Variants in KIRREL1 observed in about 807,000 individuals in gnomAD.
The protein encoded by KIRREL1 is kin of IRRE-like protein 1.
KIRREL1 carries 25 observed loss-of-function variants against 83.3 expected under a neutral mutation model. The ratio of observed to expected loss-of-function variants is 0.30; its 90% CI spans 0.22 to 0.42. The LOEUF is 0.42. Among genes scored for constraint, KIRREL1 ranks in the 10% least tolerant of loss-of-function variants. The pLI is 1.00. For synonymous variants in KIRREL1, 388 were observed against 410.4 expected (o/e 0.95, Z 0.66); for missense variants, 812 against 1,032.3 (o/e 0.79, Z 2.92).
At chr1:158,025,847 C>T (rs1451946954) in intron 1 of KIRREL1, among the ~76,000 whole-genome samples, 2 of 151,886 alleles carry the variant, frequency 1.3e-5, no homozygotes, top group South Asian at 2.1e-4. Context: ...GCTAATTATG[C>T]CTTCATCCTC....
chr1:158,086,872 C>A, intron 5 of KIRREL1, 126 bp downstream of exon 5: 2 of 820,616 alleles, frequency 2.4e-6, no homozygotes, highest in Non-Finnish European at 3.8e-6. Flanking sequence ...CAAACGCTTG[C>A]CTTCTTCACA....
At chr1:157,993,851 C>A (rs962321303) in intron 1 of KIRREL1, 123 bp downstream of exon 1, 1 of 539,018 alleles carries the variant, frequency 1.9e-6, no homozygotes. Context: ...CCGGACGCCA[C>A]GAGGCGGGGG....
chr1:158,069,684 C>T (rs1479861167), intron 1 of KIRREL1, among the ~76,000 whole-genome samples: 1 of 152,174 alleles, frequency 6.6e-6, no homozygotes, highest in Non-Finnish European at 1.5e-5. Flanking sequence ...ACAGCAGTGG[C>T]CAGGCTGCTG....
intron 1 of KIRREL1, among the ~76,000 whole-genome samples, chr1:158,009,973 T>G (rs1023007238): frequency 5.9e-5 from 9 of 152,228 alleles, no homozygotes; most frequent in African/African-American, 1.2e-4. Flanking sequence ...GGTCTAGATG[T>G]GGATTTTAGC....
At chr1:158,071,836 G>T (rs1661524239) in intron 1 of KIRREL1, among the ~76,000 whole-genome samples, 1 of 152,132 alleles carries the variant, frequency 6.6e-6, no homozygotes, top group African/African-American at 2.4e-5. Context: ...GCACACAAAT[G>T]TGTGCCTAGG....
chr1:158,028,659 T>C (rs1307796834), intron 1 of KIRREL1, among the ~76,000 whole-genome samples: 1 of 152,208 alleles, frequency 6.6e-6, no homozygotes, highest in East Asian at 1.9e-4. Context: ...TTTCAATTAT[T>C]TTTTCTATTT....
At chr1:158,026,143 C>T (rs1660162839) in intron 1 of KIRREL1, among the ~76,000 whole-genome samples, 1 of 152,170 alleles carries the variant, frequency 6.6e-6, no homozygotes, top group South Asian at 2.1e-4. Flanking sequence ...AGAGAAGGAG[C>T]TGCAGGCTGG....
rs779988044 is a variant in KIRREL1 at position 158,089,609 on chromosome 1, G to A, written c.1152G>A (p.Glu384=). The A allele has an allele frequency of 4.3e-6, 7 of 1,613,428 alleles. No homozygotes were observed. The East Asian group carries it at 1.1e-4, about 26-fold the overall frequency. ...IVPRIGVAER[E]VPLYVNGPPI... is the part of the protein sequence containing the mutation. ...CTCGAATCGGAGTGGCTGAGCGGGA[G>A]GTGCCGCTCTATGTGAACGGTGAGT... Residue 384 remains glutamate (E), a synonymous_variant, in exon 9 of 15, where the codon GAG becomes GAA. Coordinates refer to ENST00000359209, the MANE Select transcript of KIRREL1 (RefSeq NM_018240.7).
In KIRREL1 at chr1:158,066,546, C is replaced by T. The variant is rs150217601; in HGVS notation, c.53-9567C>T. Reference sequence around the variant, plus strand: ...TTGAGGCATCTCCTTCAGTGTCCTGCGTCTCAGTTTCCTTCCCTCCCACTG... The same window carrying T: ...TTGAGGCATCTCCTTCAGTGTCCTGTGTCTCAGTTTCCTTCCCTCCCACTG... On this transcript the variant is annotated intron_variant, in intron 1 of 14. Transcript: ENST00000359209. Among the ~76,000 whole-genome samples, 284 of 152,308 alleles carry T rather than the reference C, an allele frequency of 1.9e-3. 1 individual carries two copies. The highest frequency in any genetic ancestry group is 0.01 in the Middle Eastern group (3 of 294).
At chr1:158,066,966 G>C (rs985650048) in intron 1 of KIRREL1, among the ~76,000 whole-genome samples, 1 of 152,122 alleles carries the variant, frequency 6.6e-6, no homozygotes, top group Non-Finnish European at 1.5e-5. Flanking sequence ...TGTCATACCT[G>C]CTATAGCCAA....
rs1386059303 is a variant in KIRREL1, at chr1:158,095,122, G to A, written c.*2G>A. The stretch of plus-strand genomic sequence containing the variant: ...CAGCGCATGCAGACTCACGTGTAGG[G>A]GCCAGAGCCTGGCTGGGGCATCTCT... On this transcript the variant is annotated 3_prime_UTR_variant, in exon 15 of 15. Coordinates refer to ENST00000359209, the MANE Select transcript of KIRREL1 (RefSeq NM_018240.7). 2 of 1,578,382 alleles carry A rather than the reference G, an allele frequency of 1.3e-6. No homozygotes were observed. The highest frequency in any genetic ancestry group is 1.7e-6 in the Non-Finnish European group (2 of 1,156,554).
chr1:158,007,564 G>A (rs986345506), intron 1 of KIRREL1, among the ~76,000 whole-genome samples: 16 of 152,110 alleles, frequency 1.1e-4, no homozygotes, highest in Non-Finnish European at 2.1e-4. Context: ...AGAGCCCCCC[G>A]ACACCTCAGG....
At chr1:158,045,047 A>T (rs894532335) in intron 1 of KIRREL1, among the ~76,000 whole-genome samples, 1 of 152,200 alleles carries the variant, frequency 6.6e-6, no homozygotes, top group African/African-American at 2.4e-5. Flanking sequence ...GAGTAGGCAC[A>T]TTAAGGGGAA....
intron 1 of KIRREL1, among the ~76,000 whole-genome samples, chr1:157,998,604 T>C (rs562991954): frequency 5.3e-5 from 8 of 152,290 alleles, no homozygotes; most frequent in African/African-American, 1.7e-4. Context: ...CCCAGAGCCA[T>C]ACAGAGGCAA....
intron 10 of KIRREL1, among the ~76,000 whole-genome samples, chr1:158,090,035 AC>A (rs1461361657): frequency 6.6e-6 from 1 of 151,710 alleles, no homozygotes; most frequent in African/African-American, 2.4e-5. Context: ...AATGTTTTGA[AC>A]CTCGGTTTAT....
chr1:158,008,412 C>T (rs12086277), intron 1 of KIRREL1, among the ~76,000 whole-genome samples: 3,298 of 152,204 alleles, frequency 0.022, 117 homozygotes, highest in African/African-American at 0.075. Context: ...CTGGCCTGCC[C>T]TAGGGGTACA....
chr1:158,033,836 C>G (rs1414875332), intron 1 of KIRREL1, among the ~76,000 whole-genome samples: 3 of 151,922 alleles, frequency 2.0e-5, no homozygotes, highest in Non-Finnish European at 4.4e-5. Flanking sequence ...AAAAATTAGC[C>G]AGGCATGGTG....
intron 3 of KIRREL1, among the ~76,000 whole-genome samples, chr1:158,079,366 C>G (rs1274356952): frequency 6.6e-6 from 1 of 152,178 alleles, no homozygotes; most frequent in Non-Finnish European, 1.5e-5. Flanking sequence ...GTCACCCAGG[C>G]TGGAGTGCAG....
At chr1:158,060,047 AT>A (rs1182097666) in intron 1 of KIRREL1, among the ~76,000 whole-genome samples, 2 of 151,984 alleles carry the variant, frequency 1.3e-5, no homozygotes, top group Admixed American at 1.3e-4. Flanking sequence ...CTGCTCCTTA[AT>A]TCTCTCCTCC....
Sources: allele counts gnomAD v4.1 joint callset (sites outside exome capture counted in the v4.1 genomes callset), GRCh38; gene constraint gnomAD v4.1.1; transcripts MANE v1.5; gene names NCBI Gene and HGNC (gene_info 2026-07-23, HGNC 2026-07-21).